The following RAB38 variants were observed in gnomAD, a reference collection of about 807,000 sequenced individuals.
The protein encoded by RAB38 is RAB38, member RAS oncogene family, also known as ras-related protein Rab-38.
A neutral mutation model predicts 18.4 loss-of-function variants in RAB38; 15 were observed. The ratio of observed to expected loss-of-function variants is 0.82; its 90% CI spans 0.55 to 1.26. The LOEUF (loss-of-function observed/expected upper bound fraction) is 1.26. RAB38 is among the 50% of genes most tolerant of loss of function. The pLI is 0.00. For missense variants in RAB38, 294 were observed against 267.4 expected (o/e 1.10, Z -0.69); for synonymous variants, 101 against 104.4 (o/e 0.97, Z 0.20).
chr11:88,109,384 T>A (rs1348620073), downstream of RAB38, among the ~76,000 whole-genome samples: 1 of 152,090 alleles, frequency 6.6e-6, no homozygotes, highest in Admixed American at 6.6e-5. Flanking sequence ...GATGGATTAG[T>A]GACTTAAATG....
chr11:87,944,398 G>A, the RAB38 span, among the ~76,000 whole-genome samples: 2 of 152,136 alleles, frequency 1.3e-5, no homozygotes, highest in Non-Finnish European at 2.9e-5. Flanking sequence ...CCCATAGTGA[G>A]GAGAGGCACT....
At chr11:88,155,251 T>A (rs1591174041) in intron 1 of RAB38, among the ~76,000 whole-genome samples, 1 of 152,180 alleles carries the variant, frequency 6.6e-6, no homozygotes, top group African/African-American at 2.4e-5. Context: ...CTCAGACCAC[T>A]GTGCGTTCCA....
intron 2 of RAB38, among the ~76,000 whole-genome samples, chr11:88,131,874 C>T (rs1398984025): frequency 6.6e-6 from 1 of 152,178 alleles, no homozygotes; most frequent in Non-Finnish European, 1.5e-5. Context: ...CTCTTTCTAA[C>T]CTTGAAGAGG....
At chr11:87,837,987 C>A in the RAB38 span, among the ~76,000 whole-genome samples, 1 of 152,142 alleles carries the variant, frequency 6.6e-6, no homozygotes, top group African/African-American at 2.4e-5. Context: ...GAGTTTAACT[C>A]TTAATAAGTT....
chr11:88,003,942 TAGAG>T, the RAB38 span, among the ~76,000 whole-genome samples: 11 of 119,566 alleles, frequency 9.2e-5, no homozygotes, highest in Non-Finnish European at 1.7e-5. Context: ...TATACTTATA[TAGAG>T]AGATATATAT....
the RAB38 span, among the ~76,000 whole-genome samples, chr11:87,948,123 T>G: frequency 1.9e-4 from 29 of 152,316 alleles, no homozygotes; most frequent in African/African-American, 6.7e-4. Context: ...CCCTTGTAAG[T>G]TGGATTCCTA....
chr11:87,976,874 T>C, the RAB38 span, among the ~76,000 whole-genome samples: 1 of 76,462 alleles, frequency 1.3e-5, no homozygotes, highest in African/African-American at 4.7e-5. Context: ...TATTATATGT[T>C]ATATAATGTA....
At chr11:88,027,417 G>A in the RAB38 span, among the ~76,000 whole-genome samples, 24 of 152,246 alleles carry the variant, frequency 1.6e-4, 1 homozygote, top group Admixed American at 6.5e-4. Flanking sequence ...AGCAGGGTGA[G>A]GCATTGCCTC....
At chr11:88,154,638 G>C (rs1413954501) in intron 1 of RAB38, among the ~76,000 whole-genome samples, 3 of 152,148 alleles carry the variant, frequency 2.0e-5, no homozygotes, top group African/African-American at 7.2e-5. Flanking sequence ...TCGTGGTACA[G>C]CAAGTCCCTC....
chr11:87,943,222 C>T, the RAB38 span, among the ~76,000 whole-genome samples: 14 of 152,262 alleles, frequency 9.2e-5, no homozygotes, highest in East Asian at 2.7e-3. Flanking sequence ...CAGATACTGG[C>T]TCTTCTTTGG....
the RAB38 span, among the ~76,000 whole-genome samples, chr11:87,875,932 T>G: frequency 1.3e-5 from 2 of 151,592 alleles, no homozygotes; most frequent in African/African-American, 4.8e-5. Context: ...GATTTTACTT[T>G]TTCCTCCCCA....
the RAB38 span, among the ~76,000 whole-genome samples, chr11:88,017,643 C>A: frequency 6.7e-6 from 1 of 148,862 alleles, no homozygotes; most frequent in African/African-American, 2.5e-5. Context: ...CTTTCAACAG[C>A]CTTGGACAAT....
chr11:88,174,620 C>CAAAAAAAAAAAAAAAAA (rs60026669), intron 1 of RAB38, among the ~76,000 whole-genome samples: 3 of 101,124 alleles, frequency 3.0e-5, no homozygotes, highest in African/African-American at 7.7e-5. Flanking sequence ...AAGCAAAAAG[C>CAAAAAAAAAAAAAAAAA]AAAAAAAAAA....
chr11:88,020,335 A>G, the RAB38 span, among the ~76,000 whole-genome samples: 18 of 152,216 alleles, frequency 1.2e-4, no homozygotes, highest in African/African-American at 3.4e-4. Flanking sequence ...TTTCCAGACA[A>G]AAACTGTAAG....
At chr11:87,847,467 A>T in the RAB38 span, among the ~76,000 whole-genome samples, 7 of 152,164 alleles carry the variant, frequency 4.6e-5, no homozygotes, top group Non-Finnish European at 8.8e-5. Context: ...GAATAGTCTT[A>T]TGTAAATTAA....
chr11:88,113,852 G>GA lies in RAB38; in HGVS notation c.*135dup, dbSNP rs1942508544. ...GAACATTTGCTATTTCTCTCTCACT[G>GA]AAAAAACAGAGGCATAGATCTTTGG... On this transcript the variant is annotated 3_prime_UTR_variant, in exon 3 of 3. Transcript: ENST00000243662. The GA allele has an allele frequency of 9.9e-7, 1 of 1,007,830 alleles. No individual in the cohort carries two copies. The highest frequency in any genetic ancestry group is 1.6e-5 in the African/African-American group (1 of 61,978). The allele number at this position is 1,007,830 out of a possible 1,614,324, so 62.4% of individuals were successfully genotyped here. A position where few individuals can be genotyped will look rare whatever the true frequency, so the allele number is the denominator to read the frequency against.
At chr11:88,079,436 C>T in the RAB38 span, among the ~76,000 whole-genome samples, 1 of 151,666 alleles carries the variant, frequency 6.6e-6, no homozygotes, top group Non-Finnish European at 1.5e-5. Flanking sequence ...AAAATCTACC[C>T]ATAAGGAACT....
chr11:87,936,562 A>C, the RAB38 span, among the ~76,000 whole-genome samples: 1 of 152,140 alleles, frequency 6.6e-6, no homozygotes. Context: ...CCACACACAC[A>C]GTCTTAATGA....
chr11:88,027,950 C>A, the RAB38 span, among the ~76,000 whole-genome samples: 2 of 152,226 alleles, frequency 1.3e-5, no homozygotes, highest in African/African-American at 4.8e-5. Flanking sequence ...ACCCATGACC[C>A]CTGAGCAGCC....
Sources: gnomAD v4.1 joint callset for allele counts (sites outside exome capture counted in the v4.1 genomes callset) on GRCh38, gnomAD v4.1.1 for gene constraint, MANE v1.5 for transcripts, NCBI Gene and HGNC (gene_info 2026-07-23, HGNC 2026-07-21) for gene names.